Variants in C3orf22 observed in about 807,000 individuals in gnomAD.
C3orf22 encodes chromosome 3 open reading frame 22.
In C3orf22, 7 loss-of-function variants were observed where a neutral mutation model predicts 10.8. The observed-to-expected ratio is 0.65, with a 90% CI of 0.37 to 1.22. C3orf22 has a LOEUF of 1.22. C3orf22 is among the 50% of genes most tolerant of loss of function. The pLI is 0.02. For synonymous variants in C3orf22, 79 were observed against 78.9 expected, an observed-to-expected ratio of 1.00 and a Z score of 0.00; for missense variants, 173 against 177.0, an observed-to-expected ratio of 0.98 and a Z score of 0.13.
At chr3:126,531,205 C>T (rs1576748326) in intron 4 of C3orf22, among the ~76,000 whole-genome samples, 1 of 152,238 alleles carries the variant, frequency 6.6e-6, no homozygotes, top group Non-Finnish European at 1.5e-5. Context: ...TGGGCCCCAC[C>T]CCCCAACCTA....
chr3:126,542,815 G>A (rs775826869), intron 4 of C3orf22: 3 of 454,698 alleles, frequency 6.6e-6, no homozygotes. Context: ...TCCTCCACTT[G>A]CTCCAGCTGA....
chr3:126,540,148 G>A (rs890894411), intron 4 of C3orf22, among the ~76,000 whole-genome samples: 1 of 151,920 alleles, frequency 6.6e-6, no homozygotes, highest in Non-Finnish European at 1.5e-5. Flanking sequence ...TCCCAAGCAG[G>A]CCCTGGCTCT....
intron 4 of C3orf22, among the ~76,000 whole-genome samples, chr3:126,529,982 C>T (rs1427336045): frequency 2.0e-5 from 3 of 152,230 alleles, no homozygotes; most frequent in Non-Finnish European, 2.9e-5. Flanking sequence ...GACGGGGGTA[C>T]AGAGGACACA....
chr3:126,533,037 C>A (rs1219016856), intron 4 of C3orf22, among the ~76,000 whole-genome samples: 1 of 152,118 alleles, frequency 6.6e-6, no homozygotes, highest in Admixed American at 6.5e-5. Context: ...TTTGATTATT[C>A]ATTGCTAGTA....
chr3:126,550,102 G>A (rs760233761), intron 3 of C3orf22, 24 bp from the exon 4 acceptor site: 14 of 1,612,378 alleles, frequency 8.7e-6, no homozygotes, highest in Admixed American at 5.0e-5. Flanking sequence ...ACAGAGCCAC[G>A]CCTGGCCTTC....
intron 1 of C3orf22, among the ~76,000 whole-genome samples, chr3:126,556,912 A>G (rs1937354582): frequency 7.7e-6 from 1 of 129,176 alleles, no homozygotes; most frequent in Admixed American, 7.7e-5. Flanking sequence ...ACTCACACAC[A>G]TAGACACACA....
rs797014818 is a variant in C3orf22, at chr3:126,539,722, C to A, written c.286+9815G>T. Among the ~76,000 whole-genome samples, 358 of 108,084 alleles carry A rather than the reference C, an allele frequency of 3.3e-3. 5 individuals carry two copies. Among genetic ancestry groups the A allele is most frequent in the African/African-American group, 0.011 (297 of 27,096 alleles). 70.9% of individuals were successfully genotyped at this position (108,084 alleles called of 152,430 possible). Reference sequence around the variant, plus strand: ...CACCACACACATATGCCACACACACCCCCCACACCACACACACACCCCACA... The same window carrying A: ...CACCACACACATATGCCACACACACACCCCACACCACACACACACCCCACA... On this transcript the variant is annotated intron_variant and NMD_transcript_variant, in intron 4 of 5. Transcript: ENST00000505070.
chr3:126,544,704 A>T (rs1937037544), downstream of C3orf22, among the ~76,000 whole-genome samples: 1 of 152,188 alleles, frequency 6.6e-6, no homozygotes, highest in Non-Finnish European at 1.5e-5. Flanking sequence ...CAGGTGTCTC[A>T]CAATTAGATG....
At chr3:126,544,798 T>G (rs1214496191), downstream of C3orf22, among the ~76,000 whole-genome samples, 3 of 152,206 alleles carry the variant, frequency 2.0e-5, no homozygotes, top group Admixed American at 6.5e-5. Flanking sequence ...GGGCAGCTAC[T>G]CCACTGCTTC....
chr3:126,541,682 A>T, intron 4 of C3orf22: 1 of 1,370,878 alleles, frequency 7.3e-7, no homozygotes, highest in Non-Finnish European at 9.4e-7. Context: ...AGAGTCAGGG[A>T]GCCCGCGCTG....
chr3:126,550,075 G>A lies in C3orf22; in HGVS notation c.219C>T (p.Leu73=), dbSNP rs869463. Residue 73 remains leucine (L), a synonymous_variant, in exon 4 of 4, where the codon CTC becomes CTT. Coordinates refer to ENST00000318225, the MANE Select transcript of C3orf22 (RefSeq NM_152533.3). ...ACGGTGATGTAAAATCTGGAGCCCC[G>A]AGCCTAGAGAAGCCACACAGAGCCA... ...VPTRSIPVRG[L]GAPDFTSPSG... is the part of the protein sequence containing the mutation. 0.24 allele frequency: 386,152 copies of A among 1,613,442 alleles called. 48,235 individuals carry two copies. Among genetic ancestry groups the A allele is most frequent in the Admixed American group, 0.3 (17,939 of 59,946 alleles).
intron 4 of C3orf22, among the ~76,000 whole-genome samples, chr3:126,538,395 G>T (rs1936845466): frequency 6.6e-6 from 1 of 152,228 alleles, no homozygotes; most frequent in African/African-American, 2.4e-5. Flanking sequence ...CACCCTAAGG[G>T]AGTCTTTCCT....
chr3:126,533,566 A>T (rs765587345), intron 4 of C3orf22, among the ~76,000 whole-genome samples: 1 of 152,178 alleles, frequency 6.6e-6, no homozygotes, highest in Non-Finnish European at 1.5e-5. Context: ...CATTCCTGGG[A>T]TCCATCCTAC....
intron 4 of C3orf22, among the ~76,000 whole-genome samples, chr3:126,535,874 G>T (rs1936779016): frequency 6.6e-6 from 1 of 152,398 alleles, no homozygotes; most frequent in South Asian, 2.1e-4. Flanking sequence ...GGATCTGAGG[G>T]TGCTGGGCAG....
chr3:126,542,240 G>A (rs1385498683), intron 4 of C3orf22: 17 of 1,529,522 alleles, frequency 1.1e-5, no homozygotes, highest in East Asian at 2.6e-5. Flanking sequence ...GGAGTTCCTG[G>A]CCTACCTGCT....
At chr3:126,534,754 G>A (rs559530746) in intron 4 of C3orf22, among the ~76,000 whole-genome samples, 53 of 150,026 alleles carry the variant, frequency 3.5e-4, no homozygotes, top group African/African-American at 1.3e-3. Flanking sequence ...CCACCCAGGA[G>A]ACAGACAGAC....
intron 3 of C3orf22, among the ~76,000 whole-genome samples, chr3:126,550,974 C>T (rs1237612026): frequency 2.0e-5 from 3 of 152,222 alleles, no homozygotes; most frequent in Non-Finnish European, 4.4e-5. Context: ...CAGCCCTGGC[C>T]GCTAAGCCCC....
Position 126,550,030 on chromosome 3 carries a change from T to A in C3orf22, c.264A>T (p.Pro88=). The part of the protein sequence containing the change: ...FTSPSGSCPA[P]LPAPSPPPLC... ...GTGGAGGTGGTGATGGTGCTGGTAG[T>A]GGTGCCGGGCAGGAGCCAGACGGTG... Residue 88 remains proline, a synonymous_variant, in exon 4 of 4, where the codon CCA becomes CCT. Transcript: ENST00000318225. The A allele has an allele frequency of 6.2e-7, 1 of 1,613,966 alleles. No individual in the cohort carries two copies. The highest frequency in any genetic ancestry group is 8.5e-7 in the Non-Finnish European group (1 of 1,179,936).
chr3:126,541,594 C>A, intron 4 of C3orf22: 1 of 704,316 alleles, frequency 1.4e-6, no homozygotes, highest in Non-Finnish European at 2.2e-6. Flanking sequence ...TGATCAGTGA[C>A]AGCCCTGGGG....
Sources: allele counts gnomAD v4.1 joint callset (sites outside exome capture counted in the v4.1 genomes callset), GRCh38; gene constraint gnomAD v4.1.1; transcripts MANE v1.5; gene names NCBI Gene and HGNC (gene_info 2026-07-23, HGNC 2026-07-21).